PCYOX1: variants seen among roughly 807,000 people sequenced by gnomAD.
The protein encoded by PCYOX1 is prenylcysteine lyase.
A neutral mutation model predicts 46.4 loss-of-function variants in PCYOX1; 46 were observed. The ratio of observed to expected loss-of-function variants is 0.99; its 90% CI spans 0.78 to 1.27. PCYOX1 has a LOEUF of 1.27. Ranked by LOEUF, PCYOX1 falls within the 50% of genes most tolerant of loss-of-function variation. PCYOX1 has a pLI of 0.00. For missense variants in PCYOX1, 658 were observed against 628.3 expected, an observed-to-expected ratio of 1.05 and a Z score of -0.51; for synonymous variants, 220 against 231.8, an observed-to-expected ratio of 0.95 and a Z score of 0.46.
chr2:70,271,253 T>G (rs1318268170), intron 3 of PCYOX1, among the ~76,000 whole-genome samples: 4 of 148,254 alleles, frequency 2.7e-5, no homozygotes. Context: ...TTTTTTTTTT[T>G]CTGTAAGTAT....
At chr2:70,272,528 G>C (rs575692769) in intron 3 of PCYOX1, among the ~76,000 whole-genome samples, 49 of 152,068 alleles carry the variant, frequency 3.2e-4, no homozygotes, top group Non-Finnish European at 6.6e-4. Context: ...TGTCACCCAG[G>C]CTGGAGTATA....
Position 70,277,227 on chromosome 2 carries a change from T to A in PCYOX1, c.1353T>A (p.His451Gln), listed in dbSNP as rs1266591370. 1 of 1,614,146 alleles carries A rather than the reference T, an allele frequency of 6.2e-7. No individual in the cohort carries two copies. The highest frequency in any genetic ancestry group is 8.5e-7 in the Non-Finnish European group (1 of 1,180,022). ...PPEKCPSIIL[H>Q]DRLYYLNGIE... ...AGAAATGCCCCTCTATCATTCTCCA[T>A]GATCGACTTTATTACCTCAATGGCA... The change falls in exon 6 of 6, where the codon CAT (histidine) becomes CAA (glutamine). Residue 451 changes from histidine to glutamine, a missense_variant. Transcript: ENST00000433351.
chr2:70,265,290 C>T (rs1696498265), intron 3 of PCYOX1, among the ~76,000 whole-genome samples: 1 of 150,974 alleles, frequency 6.6e-6, no homozygotes, highest in East Asian at 2.0e-4. Context: ...GCAGCTTTGA[C>T]CTCCTGGTCT....
chr2:70,273,233 C>T (rs1426582295), intron 3 of PCYOX1, among the ~76,000 whole-genome samples: 1 of 152,104 alleles, frequency 6.6e-6, no homozygotes, highest in Non-Finnish European at 1.5e-5. Flanking sequence ...AAAGATCACT[C>T]TTCTTTGGAT....
Position 70,274,998 on chromosome 2 carries a change from T to C in PCYOX1, c.534T>C (p.Ser178=), listed in dbSNP as rs1696649955. Residue 178 remains serine (S), a synonymous_variant, in exon 4 of 6, where the codon AGT becomes AGC. Transcript: ENST00000433351. The part of the protein sequence containing the change: ...RYQSHDYAFS[S]VEKLLHALGG... ...AGTCTCATGACTATGCCTTCAGTAG[T>C]GTCGAAAAATTACTTCATGCTCTAG... The C allele has an allele frequency of 1.2e-6, 2 of 1,612,942 alleles. No homozygotes were observed. The highest frequency in any genetic ancestry group is 1.7e-6 in the Non-Finnish European group (2 of 1,178,844).
At chr2:70,269,279 A>G (rs1312677998) in intron 3 of PCYOX1, among the ~76,000 whole-genome samples, 2 of 149,084 alleles carry the variant, frequency 1.3e-5, no homozygotes, top group Non-Finnish European at 3.0e-5. Context: ...CAATTCTCCA[A>G]CCTCAGGCCC....
intron 1 of PCYOX1, 101 bp downstream of exon 1, chr2:70,258,377 G>A: frequency 1.4e-6 from 1 of 721,300 alleles, no homozygotes; most frequent in Non-Finnish European, 2.1e-6. Context: ...ACGCAGTCCA[G>A]CGGTGCAGGC....
chr2:70,266,447 C>G (rs1267019562), intron 3 of PCYOX1, among the ~76,000 whole-genome samples: 2 of 151,784 alleles, frequency 1.3e-5, no homozygotes, highest in African/African-American at 4.9e-5. Flanking sequence ...ATTTACAGAA[C>G]CGTAAGATTA....
intron 3 of PCYOX1, among the ~76,000 whole-genome samples, chr2:70,274,386 C>T (rs555768825): frequency 2.6e-5 from 4 of 151,078 alleles, no homozygotes; most frequent in East Asian, 3.9e-4. Context: ...TTAGTAGAGA[C>T]GGGGTTTCAC....
intron 3 of PCYOX1, among the ~76,000 whole-genome samples, chr2:70,265,416 C>T (rs989344251): frequency 1.3e-5 from 2 of 152,092 alleles, no homozygotes; most frequent in African/African-American, 4.8e-5. Flanking sequence ...ATCTTGAACT[C>T]CTGGGCTCAA....
At chr2:70,264,778 G>A (rs1696489196) in intron 3 of PCYOX1, among the ~76,000 whole-genome samples, 1 of 151,888 alleles carries the variant, frequency 6.6e-6, no homozygotes, top group African/African-American at 2.4e-5. Context: ...CACTTTGGGA[G>A]GCCAAGGCAG....
intron 3 of PCYOX1, among the ~76,000 whole-genome samples, chr2:70,269,764 G>A (rs577992612): frequency 4.0e-5 from 6 of 151,202 alleles, no homozygotes; most frequent in African/African-American, 1.4e-4. Context: ...CTCAGGATGG[G>A]GCTGTTGCAT....
At chr2:70,268,561 G>T (rs192121436) in intron 3 of PCYOX1, among the ~76,000 whole-genome samples, 124 of 152,146 alleles carry the variant, frequency 8.2e-4, no homozygotes, top group Non-Finnish European at 1.5e-3. Flanking sequence ...CAGAAAGGAG[G>T]CCAAGGCGGG....
Position 70,276,957 on chromosome 2 carries a change from CATAG to C in PCYOX1, c.1087_1090del (p.Asp363AsnfsTer8). 1 of 1,611,824 alleles carries C rather than the reference CATAG, an allele frequency of 6.2e-7. No homozygotes were observed. Among genetic ancestry groups the C allele is most frequent in the African/African-American group, 1.3e-5 (1 of 74,972 alleles). On this transcript the variant is annotated frameshift_variant, in exon 6 of 6. Transcript: ENST00000433351. LOFTEE classifies it high-confidence loss of function. ...ATACATCTATCTTTAGCTCTAGACC[CATAG>C]ATAAATTTGGCCTTAATACAGTTTT...
intron 3 of PCYOX1, among the ~76,000 whole-genome samples, chr2:70,268,373 C>T (rs1175420849): frequency 6.6e-6 from 1 of 152,130 alleles, no homozygotes; most frequent in African/African-American, 2.4e-5. Context: ...ATTCTGTGCT[C>T]TCATCCCTTA....
At position 70,275,131 on chromosome 2, in the gene PCYOX1, G is replaced by A; in HGVS notation, c.667G>A (p.Val223Ile). Residue 223 changes from valine to isoleucine, a missense_variant, in exon 4 of 6, where the codon GTC becomes ATC. Coordinates refer to ENST00000433351, the MANE Select transcript of PCYOX1 (RefSeq NM_016297.4). ...TGAAATGATTGCTCCTGTTATGAGGGTCAATTATGGCCAAAGCACGGACAT... is the reference window on the plus strand; with the variant it reads ...TGAAATGATTGCTCCTGTTATGAGGATCAATTATGGCCAAAGCACGGACAT... ...LNEMIAPVMR[V>I]NYGQSTDINA... The A allele has an allele frequency of 6.2e-7, 1 of 1,614,084 alleles. No individual in the cohort carries two copies. Among genetic ancestry groups the A allele is most frequent in the South Asian group, 1.1e-5 (1 of 91,080 alleles).
chr2:70,277,302 C>T lies in PCYOX1; in HGVS notation c.1428C>T (p.Asn476=), dbSNP rs202057811. ...AGATGAGTGCCATTGCAGCCCACAA[C>T]GCTGCACTCCTTGCCTATCACCGCT... ...AMEMSAIAAH[N]AALLAYHRWN... is the part of the protein sequence containing the mutation. Residue 476 remains asparagine (N), a synonymous_variant, in exon 6 of 6, where the codon AAC becomes AAT. Transcript: ENST00000433351. 6.3e-5 allele frequency: 101 copies of T among 1,613,430 alleles called. No homozygotes were observed. In the East Asian group the frequency reaches 1.7e-3, roughly 28 times the overall value.
chr2:70,261,758 A>G (rs1360894936), intron 3 of PCYOX1, among the ~76,000 whole-genome samples: 8 of 152,218 alleles, frequency 5.3e-5, no homozygotes, highest in Non-Finnish European at 8.8e-5. Context: ...AGTAAGTGGT[A>G]TAGCTGGAGT....
upstream of PCYOX1, chr2:70,258,071 G>A: frequency 9.7e-7 from 1 of 1,026,278 alleles, no homozygotes; most frequent in Non-Finnish European, 1.4e-6. Flanking sequence ...CAGGGGCTGG[G>A]CGGCCTGGGG....
Sources: allele counts gnomAD v4.1 joint callset (sites outside exome capture counted in the v4.1 genomes callset), GRCh38; gene constraint gnomAD v4.1.1; transcripts MANE v1.5; gene names NCBI Gene and HGNC (gene_info 2026-07-23, HGNC 2026-07-21).